Variants in HTR2A observed in about 807,000 individuals in gnomAD.
HTR2A encodes the protein 5-hydroxytryptamine receptor 2A.
Under a neutral mutation model 31.0 loss-of-function variants are expected in HTR2A, and 14 were observed. The ratio of observed to expected loss-of-function variants is 0.45; its 90% CI spans 0.30 to 0.71. The LOEUF is 0.71. Among genes scored for constraint, HTR2A ranks in the 30% least tolerant of loss-of-function variants. The pLI, the probability that HTR2A is intolerant of heterozygous loss-of-function variation, is 0.09. For missense variants in HTR2A, 442 were observed against 573.3 expected (o/e 0.77, Z 2.34); for synonymous variants, 209 against 225.2 (o/e 0.93, Z 0.64).
At chr13:46,853,758 G>C (rs1950709651) in intron 3 of HTR2A, among the ~76,000 whole-genome samples, 1 of 152,156 alleles carries the variant, frequency 6.6e-6, no homozygotes, top group Non-Finnish European at 1.5e-5. Flanking sequence ...ACTCTCAGCT[G>C]TCACTCTCAG....
intron 3 of HTR2A, among the ~76,000 whole-genome samples, chr13:46,875,979 A>G (rs770611879): frequency 2.6e-5 from 4 of 152,220 alleles, no homozygotes; most frequent in Non-Finnish European, 5.9e-5. Flanking sequence ...TCCAGGGGAG[A>G]AGACATTCTG....
chr13:46,895,735 C>T lies in HTR2A; in HGVS notation c.172G>A (p.Glu58Lys), dbSNP rs1056712633. The T allele has an allele frequency of 4.3e-6, 7 of 1,614,042 alleles. No individual in the cohort carries two copies. In the African/African-American group the frequency reaches 8.0e-5, roughly 18 times the overall value. The change falls in exon 2 of 4, where the codon GAA becomes AAA. Residue 58 changes from glutamate (E) to lysine (K), a missense_variant. By Grantham distance (56) the Glu-to-Lys change is moderately conservative (BLOSUM62 1). Transcript: ENST00000542664. The surrounding 1 kb of genome is among the most constrained non-coding windows in gnomAD (Gnocchi z 4.4). ...AGACACGACGGTGAGAGGCACCCTT[C>T]ACAGGAAAGGTTGGTTCGATTTTCA... ...DSENRTNLSC[E>K]GCLSPSCLSL...
At chr13:46,846,216 T>A (rs1025198558) in intron 3 of HTR2A, among the ~76,000 whole-genome samples, 3 of 152,172 alleles carry the variant, frequency 2.0e-5, no homozygotes, top group African/African-American at 7.2e-5. Flanking sequence ...ATTAACAGTG[T>A]ACCCTTCAAG....
At chr13:46,846,182 T>G (rs1566302061) in intron 3 of HTR2A, among the ~76,000 whole-genome samples, 1 of 151,936 alleles carries the variant, frequency 6.6e-6, no homozygotes, top group East Asian at 1.9e-4. Context: ...TTAATTGGAG[T>G]TTTTTTTCTC....
At chr13:46,870,341 G>A (rs1483343906) in intron 3 of HTR2A, among the ~76,000 whole-genome samples, 6 of 152,192 alleles carry the variant, frequency 3.9e-5, no homozygotes, top group Non-Finnish European at 5.9e-5. Context: ...TGGAAGAATA[G>A]TTAACAGATT....
chr13:46,879,582 C>T lies in HTR2A; in HGVS notation c.613+12808G>A, dbSNP rs951638945. On this transcript the variant is annotated intron_variant, in intron 3 of 3. Transcript: ENST00000542664. ...CAGGAAGTACAGAAGATCAGGGGTA[C>T]AATTGGAAGATGGGAGTAGAAAAAA... Among the ~76,000 whole-genome samples, 5 of 151,948 alleles carry T rather than the reference C, an allele frequency of 3.3e-5. No homozygotes were observed. The South Asian group carries it at 1.0e-3, about 32-fold the overall frequency.
intron 3 of HTR2A, among the ~76,000 whole-genome samples, chr13:46,864,727 A>G (rs1186928319): frequency 1.3e-5 from 2 of 152,118 alleles, no homozygotes; most frequent in Non-Finnish European, 2.9e-5. Context: ...AGGATGAACT[A>G]TGTGAGGCAC....
Position 46,896,907 on chromosome 13 carries a change from C to G in HTR2A, c.-562G>C. The G allele has an allele frequency of 2.3e-6, 3 of 1,288,086 alleles. No individual in the cohort carries two copies. The highest frequency in any genetic ancestry group is 3.7e-4 in the Middle Eastern group (2 of 5,400). 79.8% of individuals were successfully genotyped at this position (1,288,086 alleles called of 1,614,324 possible). A position where few individuals can be genotyped will look rare whatever the true frequency, so the allele number is the denominator to read the frequency against. The stretch of plus-strand genomic sequence containing the variant: ...CTGGCACGGCTCGGCTGGGTTCCTC[C>G]CTCCCTGTGCGGCTCGCCTCAGCAG... On this transcript the variant is annotated 5_prime_UTR_variant, in exon 1 of 4. Transcript: ENST00000542664.
At chr13:46,897,463 A>G (rs1951113477), upstream of HTR2A, among the ~76,000 whole-genome samples, 1 of 152,164 alleles carries the variant, frequency 6.6e-6, no homozygotes, top group Non-Finnish European at 1.5e-5. Flanking sequence ...TATTAGCACT[A>G]TTTTTATTTA....
chr13:46,863,414 G>A (rs1054896834), intron 3 of HTR2A, among the ~76,000 whole-genome samples: 2 of 151,960 alleles, frequency 1.3e-5, no homozygotes, highest in Admixed American at 1.3e-4. Context: ...CTTGAGCCCA[G>A]GAGTTCAAGA....
intron 3 of HTR2A, among the ~76,000 whole-genome samples, chr13:46,884,986 G>T (rs1005344332): frequency 4.6e-5 from 7 of 151,888 alleles, no homozygotes; most frequent in Admixed American, 1.3e-4. Context: ...CTTGTCTGAG[G>T]GCCATACATT....
intron 3 of HTR2A, among the ~76,000 whole-genome samples, chr13:46,869,852 C>G (rs990535369): frequency 6.6e-6 from 1 of 151,970 alleles, no homozygotes; most frequent in African/African-American, 2.4e-5. Context: ...ATATCTGGAA[C>G]AGATGAATTA....
chr13:46,841,328 T>A (rs1205657598), intron 3 of HTR2A, among the ~76,000 whole-genome samples: 1 of 152,162 alleles, frequency 6.6e-6, no homozygotes, highest in Non-Finnish European at 1.5e-5. Context: ...ATTTTGTTTT[T>A]GCATTCTTTC....
At chr13:46,855,876 G>T (rs896013311) in intron 3 of HTR2A, among the ~76,000 whole-genome samples, 2 of 152,306 alleles carry the variant, frequency 1.3e-5, no homozygotes, top group Admixed American at 6.5e-5. Context: ...GCAAAAGTAA[G>T]GGTGCCAAAG....
At chr13:46,845,964 C>A (rs1317146410) in intron 3 of HTR2A, among the ~76,000 whole-genome samples, 3 of 152,200 alleles carry the variant, frequency 2.0e-5, no homozygotes, top group African/African-American at 4.8e-5. Context: ...TTTAAATACA[C>A]AACTACCATT....
chr13:46,885,870 A>T (rs1951001728), intron 3 of HTR2A, among the ~76,000 whole-genome samples: 1 of 152,182 alleles, frequency 6.6e-6, no homozygotes, highest in Non-Finnish European at 1.5e-5. Flanking sequence ...GTCCATTTCA[A>T]GTTATGTTTC....
Position 46,835,110 on chromosome 13 carries a change from T to C in HTR2A, c.1143A>G (p.Thr381=). Residue 381 remains threonine, a synonymous_variant, in exon 4 of 4, where the codon ACA becomes ACG. Coordinates refer to ENST00000542664, the MANE Select transcript of HTR2A (RefSeq NM_000621.5). The stretch of plus-strand genomic sequence containing the variant: ...CTGACCTATAGGTCTTGTTGAACAG[T>C]GTGTAGACTAGTGGGTTGACTGCTG... ...LSSAVNPLVY[T]LFNKTYRSAF... The C allele has an allele frequency of 6.2e-7, 1 of 1,614,092 alleles. No homozygotes were observed. Among genetic ancestry groups the C allele is most frequent in the Non-Finnish European group, 8.5e-7 (1 of 1,179,996 alleles).
At chr13:46,880,679 A>C (rs761086371) in intron 3 of HTR2A, among the ~76,000 whole-genome samples, 34 of 151,964 alleles carry the variant, frequency 2.2e-4, no homozygotes, top group Non-Finnish European at 3.5e-4. Flanking sequence ...TCTCCAATAA[A>C]AATAGAAAAA....
rs530652442 is a variant in HTR2A, at chr13:46,858,109, A to T, written c.614-22470T>A. Among the ~76,000 whole-genome samples, 7 of 152,170 alleles carry T rather than the reference A, an allele frequency of 4.6e-5. No individual in the cohort carries two copies. In the South Asian group the frequency reaches 1.5e-3, roughly 32 times the overall value. ...GATTGGGTGGAGGTGCAAGTAAGAAAATGAAGGTTAAGAGTTTAGCTTTGT... is the reference window on the plus strand; with the variant it reads ...GATTGGGTGGAGGTGCAAGTAAGAATATGAAGGTTAAGAGTTTAGCTTTGT... On this transcript the variant is annotated intron_variant, in intron 3 of 3. Transcript: ENST00000542664.
Sources: allele counts gnomAD v4.1 joint callset (sites outside exome capture counted in the v4.1 genomes callset), GRCh38; gene constraint gnomAD v4.1.1; non-coding constraint Gnocchi (gnomAD v3.1); transcripts MANE v1.5; gene names NCBI Gene and HGNC (gene_info 2026-07-23, HGNC 2026-07-21).